Variants in SAMMSON observed in about 807,000 individuals in gnomAD.
SAMMSON encodes the protein survival associated mitochondrial melanoma specific oncogenic non-coding RNA.
chr3:70,204,437 T>C (rs930420577), intron 4 of SAMMSON: 3 of 152,164 alleles, frequency 2.0e-5, no homozygotes, highest in African/African-American at 7.2e-5. Context: ...TTCTTATCAC[T>C]CTTTGTGGGT....
chr3:70,022,426 CAAAAA>C (rs60455629), intron 3 of SAMMSON, among the ~76,000 whole-genome samples: 9 of 91,114 alleles, frequency 9.9e-5, no homozygotes, highest in Admixed American at 2.4e-4. Flanking sequence ...AGTATAATAA[CAAAAA>C]AAAAAAAAAA....
intron 3 of SAMMSON, among the ~76,000 whole-genome samples, chr3:70,036,537 G>T (rs1395723188): frequency 6.6e-6 from 1 of 152,150 alleles, no homozygotes; most frequent in Admixed American, 6.6e-5. Flanking sequence ...ACCAATGAAA[G>T]TTGGACCCAG....
chr3:70,218,090 A>G (rs1018537301), intron 4 of SAMMSON, among the ~76,000 whole-genome samples: 1 of 152,128 alleles, frequency 6.6e-6, no homozygotes, highest in Non-Finnish European at 1.5e-5. Flanking sequence ...GGAATCTATC[A>G]AAAGGCCTCA....
intron 4 of SAMMSON, among the ~76,000 whole-genome samples, chr3:70,221,723 C>T (rs1366656902): frequency 6.6e-6 from 1 of 152,128 alleles, no homozygotes; most frequent in Non-Finnish European, 1.5e-5. Flanking sequence ...TGAGGTAGAT[C>T]TTGGATGATA....
At chr3:70,026,884 C>T (rs1420940010) in intron 3 of SAMMSON, among the ~76,000 whole-genome samples, 2 of 152,098 alleles carry the variant, frequency 1.3e-5, no homozygotes, top group African/African-American at 2.4e-5. Flanking sequence ...TGATTAAACC[C>T]AGTTAAAGAA....
intron 4 of SAMMSON, chr3:70,205,760 T>G (rs746189694): frequency 6.6e-6 from 1 of 152,114 alleles, no homozygotes; most frequent in Non-Finnish European, 1.5e-5. Flanking sequence ...AAAGTAAATA[T>G]GTATTTAAAT....
At chr3:70,239,054 G>T (rs552028907) in intron 4 of SAMMSON, among the ~76,000 whole-genome samples, 1 of 152,220 alleles carries the variant, frequency 6.6e-6, no homozygotes, top group South Asian at 2.1e-4. Context: ...CTTAAAATTG[G>T]AGGCTGAATC....
rs558175730 is a variant in SAMMSON at position 70,432,297 on chromosome 3, T to G, written n.234-30263T>G. On this transcript the variant is annotated intron_variant and non_coding_transcript_variant, in intron 2 of 3. Coordinates refer to the SAMMSON transcript ENST00000641053. ...TTGACTGTTAATATCTCTTCTTTTG[T>G]GAGGTATATGTTAGTCCTTTCCTCC... Among the ~76,000 whole-genome samples, 146 of 151,872 alleles carry G rather than the reference T, an allele frequency of 9.6e-4. 1 individual carries two copies. Among genetic ancestry groups the G allele is most frequent in the Admixed American group, 3.8e-3 (58 of 15,244 alleles).
chr3:70,306,252 C>T (rs999914011), intron 7 of SAMMSON, among the ~76,000 whole-genome samples: 1 of 152,058 alleles, frequency 6.6e-6, no homozygotes, highest in African/African-American at 2.4e-5. Flanking sequence ...TACAGGCACT[C>T]GCCACCACAC....
intron 2 of SAMMSON, among the ~76,000 whole-genome samples, chr3:70,412,310 A>G (rs1188128370): frequency 6.6e-6 from 1 of 152,218 alleles, no homozygotes. Flanking sequence ...AACCTTCTTG[A>G]AATTATATGC....
At chr3:70,355,167 G>A (rs1299513297) in intron 8 of SAMMSON, among the ~76,000 whole-genome samples, 2 of 152,150 alleles carry the variant, frequency 1.3e-5, no homozygotes, top group Non-Finnish European at 2.9e-5. Context: ...GCTAAGAGAA[G>A]ATCCCCACAT....
At chr3:70,012,033 C>G (rs1221517091) in intron 1 of SAMMSON, among the ~76,000 whole-genome samples, 1 of 152,052 alleles carries the variant, frequency 6.6e-6, no homozygotes, top group African/African-American at 2.4e-5. Flanking sequence ...TGAATGGTCT[C>G]AACCCCTTTC....
chr3:70,188,316 G>A (rs564982420), intron 4 of SAMMSON, among the ~76,000 whole-genome samples: 5 of 152,262 alleles, frequency 3.3e-5, no homozygotes, highest in African/African-American at 9.6e-5. Context: ...TAAAATGGGG[G>A]TCATAATACC....
intron 7 of SAMMSON, among the ~76,000 whole-genome samples, chr3:70,301,355 C>T (rs944500499): frequency 1.3e-5 from 2 of 151,996 alleles, no homozygotes; most frequent in Non-Finnish European, 2.9e-5. Context: ...AAAATTCCAC[C>T]CACATTGTTT....
intron 4 of SAMMSON, among the ~76,000 whole-genome samples, chr3:70,138,575 G>C (rs574295444): frequency 1.3e-5 from 2 of 152,114 alleles, no homozygotes; most frequent in African/African-American, 4.8e-5. Context: ...AATCATGGGG[G>C]GACATAAACA....
intron 2 of SAMMSON, among the ~76,000 whole-genome samples, chr3:70,426,768 C>T (rs1157464844): frequency 6.6e-6 from 1 of 152,106 alleles, no homozygotes; most frequent in Non-Finnish European, 1.5e-5. Flanking sequence ...GATCCCTTGT[C>T]TAGGATTATT....
chr3:70,026,342 A>T (rs2067036959), intron 3 of SAMMSON, among the ~76,000 whole-genome samples: 1 of 152,000 alleles, frequency 6.6e-6, no homozygotes, highest in South Asian at 2.1e-4. Flanking sequence ...GAATTAATTT[A>T]TTTTATTCAT....
intron 6 of SAMMSON, among the ~76,000 whole-genome samples, chr3:70,276,756 A>G (rs1298525318): frequency 6.6e-6 from 1 of 152,250 alleles, no homozygotes; most frequent in Non-Finnish European, 1.5e-5. Flanking sequence ...TTTTCACACT[A>G]TAATGGCAGA....
intron 4 of SAMMSON, among the ~76,000 whole-genome samples, chr3:70,144,124 A>G (rs560700479): frequency 2.0e-5 from 3 of 152,254 alleles, no homozygotes; most frequent in East Asian, 1.9e-4. Flanking sequence ...GGAAAGGGCA[A>G]TGACCTTTTG....
Sources: gnomAD v4.1 joint callset for allele counts (sites outside exome capture counted in the v4.1 genomes callset) on GRCh38, gnomAD v4.1.1 for gene constraint, MANE v1.5 for transcripts, NCBI Gene and HGNC (gene_info 2026-07-23, HGNC 2026-07-21) for gene names.